Variants in LAMA1 observed in about 807,000 individuals in gnomAD.
LAMA1 encodes laminin subunit alpha-1.
LAMA1 carries 219 observed loss-of-function variants against 348.7 expected under a neutral mutation model. The observed-to-expected ratio is 0.63, with a 90% CI of 0.56 to 0.70. LAMA1 has a LOEUF of 0.70. Ranked by LOEUF, LAMA1 falls within the 30% of genes least tolerant of loss-of-function variation. The pLI, the probability that LAMA1 is intolerant of heterozygous loss-of-function variation, is 0.00. For missense variants in LAMA1, 3,744 were observed against 3,888.0 expected (o/e 0.96, Z 0.99); for synonymous variants, 1,487 against 1,491.0 (o/e 1.00, Z 0.06).
intron 33 of LAMA1, 36 bp from the exon 34 acceptor site, chr18:6,995,482 G>A (rs372084201): frequency 2.4e-5 from 26 of 1,082,538 alleles, no homozygotes; most frequent in Non-Finnish European, 3.2e-5. Flanking sequence ...ACAATGCTTC[G>A]AAGTAAAATG....
rs201437320 is a variant in LAMA1 at position 6,983,184 on chromosome 18, T to A, written c.5711A>T (p.Tyr1904Phe). 6.2e-7 allele frequency: 1 copy of A among 1,614,164 alleles called. No individual in the cohort carries two copies. The highest frequency in any genetic ancestry group is 8.5e-7 in the Non-Finnish European group (1 of 1,180,002). ...NVSLNATSAAYVHYNIQSLIE... is the reference protein window; with the variant it reads ...NVSLNATSAAFVHYNIQSLIE... ...CAGGCTCTGGATGTTGTAATGGACA[T>A]AGGCTGCACTGGTGGCATTCAGGGA... Residue 1904 changes from tyrosine (Y) to phenylalanine (F), a missense_variant, in exon 40 of 63, where the codon TAT (tyrosine) becomes TTT (phenylalanine). Around this residue, in one of 3 missense-constraint regions of LAMA1, gnomAD observed 1,983 missense variants for 1,934.3 expected, o/e 1.03. Coordinates refer to ENST00000389658, the MANE Select transcript of LAMA1 (RefSeq NM_005559.4).
At chr18:7,050,356 G>A (rs73394465) in intron 4 of LAMA1, among the ~76,000 whole-genome samples, 10,528 of 152,202 alleles carry the variant, frequency 0.069, 1,134 homozygotes, top group African/African-American at 0.24. Flanking sequence ...AGAACACTGA[G>A]AAAAGGGAAC....
Position 6,961,708 on chromosome 18 carries a change from T to C in LAMA1, c.7504A>G (p.Lys2502Glu). The C allele has an allele frequency of 6.2e-7, 1 of 1,614,112 alleles. No individual in the cohort carries two copies. The highest frequency in any genetic ancestry group is 8.5e-7 in the Non-Finnish European group (1 of 1,180,028). The change falls in exon 53 of 63, where the codon AAA becomes GAA. Residue 2502 changes from lysine (K) to glutamate (E), a missense_variant. Coordinates refer to ENST00000389658, the MANE Select transcript of LAMA1 (RefSeq NM_005559.4). ...CATTCTGATTCTGGTGACAAAGATT[T>C]GGGTGGCAATTCAATGTAGCCGCCT... ...LKGGYIELPP[K>E]SLSPESEWLV...
chr18:7,021,541 G>A (rs886129132), intron 19 of LAMA1, among the ~76,000 whole-genome samples: 5 of 151,830 alleles, frequency 3.3e-5, no homozygotes, highest in Non-Finnish European at 7.4e-5. Flanking sequence ...TCCTAATTGA[G>A]CTGGGCTATA....
chr18:6,996,465 C>T (rs1427868265), intron 33 of LAMA1, among the ~76,000 whole-genome samples: 1 of 152,170 alleles, frequency 6.6e-6, no homozygotes, highest in Admixed American at 6.5e-5. Flanking sequence ...AAGAATCACA[C>T]TGTTTTCCAA....
intron 30 of LAMA1, among the ~76,000 whole-genome samples, 156 bp from the exon 31 acceptor site, chr18:7,000,153 AG>A (rs1426816513): frequency 6.6e-6 from 1 of 152,256 alleles, no homozygotes; most frequent in Non-Finnish European, 1.5e-5. Context: ...GGCAAAAAGA[AG>A]GAAAATAAAA....
intron 10 of LAMA1, among the ~76,000 whole-genome samples, 169 bp downstream of exon 10, chr18:7,039,907 G>C (rs1187398924): frequency 6.6e-6 from 1 of 152,176 alleles, no homozygotes; most frequent in Non-Finnish European, 1.5e-5. Context: ...GTGAGTCCAA[G>C]CATATATAAT....
chr18:7,035,514 C>T (rs1243954787), intron 13 of LAMA1, among the ~76,000 whole-genome samples: 1 of 151,986 alleles, frequency 6.6e-6, no homozygotes. Context: ...CCTTGAACTC[C>T]TGGGCTCAAG....
At chr18:7,098,688 C>A (rs1217298938) in intron 1 of LAMA1, among the ~76,000 whole-genome samples, 1 of 150,156 alleles carries the variant, frequency 6.7e-6, no homozygotes, top group East Asian at 2.0e-4. Context: ...AGCGTCTCCG[C>A]CCGGCAGCCA....
chr18:7,001,407 G>T (rs949740065), intron 30 of LAMA1, among the ~76,000 whole-genome samples: 1 of 152,122 alleles, frequency 6.6e-6, no homozygotes, highest in Non-Finnish European at 1.5e-5. Context: ...GACTACAGAA[G>T]TGGAATTGAC....
At chr18:7,081,357 T>C (rs1420326427) in intron 1 of LAMA1, among the ~76,000 whole-genome samples, 2 of 152,180 alleles carry the variant, frequency 1.3e-5, no homozygotes, top group African/African-American at 2.4e-5. Context: ...TGTCCTCACT[T>C]TGGTCCAGTT....
At chr18:7,034,344 A>G (rs533141752) in intron 14 of LAMA1, 135 bp downstream of exon 14, 1 of 719,820 alleles carries the variant, frequency 1.4e-6, no homozygotes, top group South Asian at 1.6e-5. Context: ...AATAATTCTT[A>G]AGACAGCCAG....
intron 22 of LAMA1, among the ~76,000 whole-genome samples, chr18:7,015,281 G>C (rs992896376): frequency 6.6e-6 from 1 of 152,074 alleles, no homozygotes; most frequent in Non-Finnish European, 1.5e-5. Context: ...TTTTGTTTTT[G>C]ATTTTTAAGA....
intron 1 of LAMA1, among the ~76,000 whole-genome samples, chr18:7,114,222 A>C (rs1319114316): frequency 2.0e-5 from 3 of 152,224 alleles, no homozygotes; most frequent in Admixed American, 2.0e-4. Flanking sequence ...GTGTAACAGT[A>C]ATAACCATCA....
In LAMA1 at chr18:6,992,737, T is replaced by C. The variant is rs2057764391; in HGVS notation, c.5009-17A>G. 3.1e-6 allele frequency: 5 copies of C among 1,606,492 alleles called. No homozygotes were observed. The East Asian group carries it at 6.7e-5, about 21-fold the overall frequency. ...CCATAATTTCTATGGAGAAAATTCA[T>C]CAATTATTTAATAAGCCTCTCAAAA... On this transcript the variant is annotated splice_polypyrimidine_tract_variant and intron_variant, in intron 35 of 62. Transcript: ENST00000389658.
intron 54 of LAMA1, 77 bp from the exon 55 acceptor site, chr18:6,958,739 C>T (rs947034191): frequency 7.9e-7 from 1 of 1,262,194 alleles, no homozygotes; most frequent in Non-Finnish European, 1.1e-6. Context: ...TCCATAATTC[C>T]CACAAGTTCT....
intron 1 of LAMA1, among the ~76,000 whole-genome samples, chr18:7,107,647 GA>G (rs1172127056): frequency 7.9e-5 from 12 of 151,832 alleles, no homozygotes; most frequent in Non-Finnish European, 1.3e-4. Flanking sequence ...TCAAGTGCAT[GA>G]AAAAAAATTT....
chr18:7,045,638 A>T (rs771545533), intron 6 of LAMA1, among the ~76,000 whole-genome samples: 72 of 152,146 alleles, frequency 4.7e-4, no homozygotes, highest in Non-Finnish European at 8.7e-4. Flanking sequence ...AGCTCACTGC[A>T]ACCTCCACCT....
rs2058006477 is a variant in LAMA1, at chr18:7,038,585, C to T, written c.1563+225G>A. On this transcript the variant is annotated intron_variant, in intron 11 of 62. Coordinates refer to ENST00000389658, the MANE Select transcript of LAMA1 (RefSeq NM_005559.4). ...AAACAAGACGTGTTCTCTAGTGCCACATCATCCTGTTTTTTCCATAGAGAA... is the reference window on the plus strand; with the variant it reads ...AAACAAGACGTGTTCTCTAGTGCCATATCATCCTGTTTTTTCCATAGAGAA... 3 of 640,196 alleles carry T rather than the reference C, an allele frequency of 4.7e-6. No homozygotes were observed. The African/African-American group carries it at 5.4e-5, about 12-fold the overall frequency. The allele number at this position is 640,196 out of a possible 1,614,324, so 39.7% of individuals were successfully genotyped here.
Sources: allele counts gnomAD v4.1 joint callset (sites outside exome capture counted in the v4.1 genomes callset), GRCh38; gene constraint gnomAD v4.1.1; regional missense constraint gnomAD v4.1.1; transcripts MANE v1.5; gene names NCBI Gene and HGNC (gene_info 2026-07-23, HGNC 2026-07-21).